Variants in CHRM3 observed in about 807,000 individuals in gnomAD.
CHRM3 encodes muscarinic acetylcholine receptor M3.
Under a neutral mutation model 41.8 loss-of-function variants are expected in CHRM3, and 11 were observed. That is an observed-to-expected ratio of 0.26 (90% CI 0.17 to 0.44). The LOEUF is 0.44. Ranked by LOEUF, CHRM3 falls within the 20% of genes least tolerant of loss-of-function variation. CHRM3 has a pLI of 1.00. For synonymous variants in CHRM3, 297 were observed against 301.4 expected (o/e 0.99, Z 0.15); for missense variants, 571 against 745.4 (o/e 0.77, Z 2.72).
At chr1:239,871,955 G>A (rs1676626131) in intron 6 of CHRM3, among the ~76,000 whole-genome samples, 1 of 152,154 alleles carries the variant, frequency 6.6e-6, no homozygotes, top group Non-Finnish European at 1.5e-5. Context: ...CTACTTCTCA[G>A]TAATTTAGAC....
At chr1:239,407,223 G>T (rs1031116618) in intron 1 of CHRM3, among the ~76,000 whole-genome samples, 4 of 151,974 alleles carry the variant, frequency 2.6e-5, no homozygotes, top group African/African-American at 9.7e-5. Context: ...ATCCGATCAG[G>T]CTGCGTTTTG....
At chr1:239,475,505 T>G (rs959456373) in intron 1 of CHRM3, among the ~76,000 whole-genome samples, 1 of 152,074 alleles carries the variant, frequency 6.6e-6, no homozygotes, top group Non-Finnish European at 1.5e-5. Flanking sequence ...TTTGAGGTCA[T>G]CAAAAATAAC....
At chr1:239,758,834 G>A (rs891630650) in intron 5 of CHRM3, among the ~76,000 whole-genome samples, 6 of 152,112 alleles carry the variant, frequency 3.9e-5, no homozygotes, top group African/African-American at 1.4e-4. Context: ...CGCGCAAGTT[G>A]GTCTCATAGA....
intron 2 of CHRM3, among the ~76,000 whole-genome samples, chr1:239,516,796 G>C (rs961493250): frequency 6.6e-6 from 1 of 152,180 alleles, no homozygotes; most frequent in Non-Finnish European, 1.5e-5. Flanking sequence ...CCTGTTGCTC[G>C]CTTTACTGCC....
chr1:239,797,995 G>A (rs1164787020), intron 5 of CHRM3, among the ~76,000 whole-genome samples: 1 of 152,234 alleles, frequency 6.6e-6, no homozygotes, highest in South Asian at 2.1e-4. Context: ...GCTGCAGTGA[G>A]CTGTGATTGC....
intron 2 of CHRM3, among the ~76,000 whole-genome samples, chr1:239,530,962 A>G (rs1670362328): frequency 6.6e-6 from 1 of 152,208 alleles, no homozygotes. Context: ...ATATCAATCT[A>G]CATATTCAAG....
chr1:239,885,433 A>G (rs1677985966), intron 6 of CHRM3, among the ~76,000 whole-genome samples: 1 of 152,116 alleles, frequency 6.6e-6, no homozygotes, highest in African/African-American at 2.4e-5. Context: ...TTGGATGACA[A>G]CTGGTCTGGA....
At chr1:239,638,139 C>T (rs1336257334) in intron 4 of CHRM3, among the ~76,000 whole-genome samples, 1 of 151,176 alleles carries the variant, frequency 6.6e-6, no homozygotes, top group South Asian at 2.1e-4. Context: ...ATATGTGCCA[C>T]ATTTTCTTAA....
chr1:239,617,474 C>G (rs1040597105), intron 3 of CHRM3, among the ~76,000 whole-genome samples: 2 of 152,112 alleles, frequency 1.3e-5, no homozygotes, highest in African/African-American at 4.8e-5. Context: ...CCTACAATCC[C>G]AACACTTTGA....
intron 3 of CHRM3, among the ~76,000 whole-genome samples, chr1:239,607,466 A>G (rs1402591982): frequency 6.6e-6 from 1 of 152,136 alleles, no homozygotes; most frequent in African/African-American, 2.4e-5. Context: ...TCTTGTTTTT[A>G]TGTCCCTAGG....
intron 3 of CHRM3, among the ~76,000 whole-genome samples, chr1:239,621,515 G>A (rs1168823198): frequency 6.6e-6 from 1 of 152,142 alleles, no homozygotes; most frequent in African/African-American, 2.4e-5. Flanking sequence ...AGTTCATGAA[G>A]GAAATGAAAA....
chr1:239,622,203 G>A (rs1286406526), intron 3 of CHRM3, among the ~76,000 whole-genome samples: 1 of 152,096 alleles, frequency 6.6e-6, no homozygotes, highest in African/African-American at 2.4e-5. Context: ...CACTGACAAT[G>A]CATCTACTCG....
At chr1:239,478,278 C>T (rs2147983362) in intron 1 of CHRM3, among the ~76,000 whole-genome samples, 1 of 152,246 alleles carries the variant, frequency 6.6e-6, no homozygotes, top group Middle Eastern at 3.4e-3. Context: ...GGCAGCCTGA[C>T]AAAAGAAGGA....
intron 3 of CHRM3, among the ~76,000 whole-genome samples, chr1:239,550,716 T>C (rs1020979913): frequency 6.6e-6 from 1 of 152,196 alleles, no homozygotes; most frequent in African/African-American, 2.4e-5. Flanking sequence ...TGAAAATGTG[T>C]ATCTGACTCT....
chr1:239,855,212 T>C (rs559166354), intron 6 of CHRM3, among the ~76,000 whole-genome samples: 1 of 152,288 alleles, frequency 6.6e-6, no homozygotes, highest in East Asian at 1.9e-4. Context: ...AACAATGGCT[T>C]TGTAATGGTC....
chr1:239,500,790 C>A (rs570083687), intron 2 of CHRM3, among the ~76,000 whole-genome samples: 1 of 151,866 alleles, frequency 6.6e-6, no homozygotes, highest in Non-Finnish European at 1.5e-5. Context: ...TCAGTACTAA[C>A]CTTGAATGTA....
intron 6 of CHRM3, among the ~76,000 whole-genome samples, chr1:239,834,956 C>T (rs565823165): frequency 7.1e-4 from 108 of 152,062 alleles, no homozygotes; most frequent in African/African-American, 2.0e-3. Flanking sequence ...CTAAAGTCAG[C>T]GGTACAGGAA....
At position 239,909,209 on chromosome 1, in the gene CHRM3, C is replaced by G. The variant is rs200553848; in HGVS notation, c.1758C>G (p.Pro586=). The G allele has an allele frequency of 2.5e-6, 4 of 1,607,434 alleles. No homozygotes were observed. The East Asian group carries it at 8.9e-5, about 36-fold the overall frequency. The change falls in exon 7 of 7, where the codon CCC becomes CCG. Residue 586 remains proline (P), a synonymous_variant. Coordinates refer to ENST00000676153, the MANE Select transcript of CHRM3 (RefSeq NM_001375978.1). ...CGGTCATTTTTCACAAGCGCGCACC[C>G]GAGCAGGCCTTGTAGAATGAGGTTG... is the stretch of plus-strand genomic sequence containing the variant. The part of the protein sequence containing the change: ...RQSVIFHKRA[P]EQAL
At chr1:239,902,391 A>G (rs1298579926) in intron 6 of CHRM3, among the ~76,000 whole-genome samples, 1 of 152,178 alleles carries the variant, frequency 6.6e-6, no homozygotes, top group Non-Finnish European at 1.5e-5. Context: ...GCCAACCCAG[A>G]ACTCAGACCC....
Sources: allele counts gnomAD v4.1 joint callset (sites outside exome capture counted in the v4.1 genomes callset), GRCh38; gene constraint gnomAD v4.1.1; transcripts MANE v1.5; gene names NCBI Gene and HGNC (gene_info 2026-07-23, HGNC 2026-07-21).